The following ANAPC7 variants were observed in gnomAD, a reference collection of about 807,000 sequenced individuals.
The protein encoded by ANAPC7 is anaphase-promoting complex subunit 7.
In ANAPC7, 25 loss-of-function variants were observed where a neutral mutation model predicts 63.3. The observed-to-expected ratio is 0.39, with a 90% confidence interval of 0.29 to 0.55. The LOEUF (loss-of-function observed/expected upper bound fraction) is 0.55, where lower values mean the gene tolerates loss of function less well. ANAPC7 is among the 20% of genes least tolerant of loss of function. ANAPC7 has a pLI of 0.57. For synonymous variants in ANAPC7, 241 were observed against 251.7 expected, an observed-to-expected ratio of 0.96 and a Z score of 0.40; for missense variants, 516 against 691.7, an observed-to-expected ratio of 0.75 and a Z score of 2.85.
intron 3 of ANAPC7, among the ~76,000 whole-genome samples, chr12:110,389,326 A>T (rs574426564): frequency 3.7e-4 from 56 of 152,302 alleles, no homozygotes; most frequent in South Asian, 1.2e-3. Context: ...AAAGTGAGAA[A>T]CTCTTGACAT....
chr12:110,385,548 G>T (rs894970273), intron 6 of ANAPC7, among the ~76,000 whole-genome samples: 10 of 152,296 alleles, frequency 6.6e-5, no homozygotes, highest in Middle Eastern at 6.8e-3. Context: ...TTTTCATCAT[G>T]GGTGCAGGCA....
chr12:110,401,400 A>G (rs576502160), intron 1 of ANAPC7, among the ~76,000 whole-genome samples: 57 of 152,276 alleles, frequency 3.7e-4, no homozygotes, highest in African/African-American at 1.4e-3. Flanking sequence ...GCGCACAGCC[A>G]CTGCGCTTTC....
intron 3 of ANAPC7, among the ~76,000 whole-genome samples, chr12:110,394,321 T>A (rs968093430): frequency 6.6e-6 from 1 of 151,008 alleles, no homozygotes; most frequent in Non-Finnish European, 1.5e-5. Context: ...TGGAACCTTA[T>A]CTCTACCAAA....
intron 8 of ANAPC7, chr12:110,377,823 A>G (rs1410192324): frequency 2.8e-6 from 4 of 1,423,782 alleles, no homozygotes; most frequent in South Asian, 1.5e-5. Context: ...GGATGTAGAA[A>G]AAGACTGCCT....
intron 5 of ANAPC7, chr12:110,386,726 C>T (rs1216923435): frequency 5.4e-6 from 2 of 367,006 alleles, no homozygotes; most frequent in East Asian, 1.1e-4. Context: ...ACATACGCTA[C>T]ATGGTGTTAA....
At chr12:110,387,335 GGCAGAGAGAGAGAGAGAC>G (rs1566269132) in intron 5 of ANAPC7, 3 of 22,222 alleles carry the variant, frequency 1.4e-4, no homozygotes, top group Admixed American at 6.7e-4. Flanking sequence ...GAGAGAGAGA[GGCAGAGAGAGAGAGAGAC>G]AGAGAGAGAG....
chr12:110,399,324 C>T (rs2062190396), intron 1 of ANAPC7, among the ~76,000 whole-genome samples: 1 of 151,228 alleles, frequency 6.6e-6, no homozygotes, highest in Non-Finnish European at 1.5e-5. Flanking sequence ...CCAGCCGAGT[C>T]GAATAATTCT....
intron 8 of ANAPC7, among the ~76,000 whole-genome samples, chr12:110,381,377 G>C (rs151094104): frequency 1.3e-5 from 2 of 151,678 alleles, no homozygotes; most frequent in Non-Finnish European, 2.9e-5. Context: ...TTGCTCTGTC[G>C]CCAGGCTGGA....
intron 5 of ANAPC7, chr12:110,386,756 T>C: frequency 3.8e-6 from 1 of 259,928 alleles, no homozygotes; most frequent in Non-Finnish European, 7.2e-6. Context: ...CATTCACAAG[T>C]GACACCTATT....
Position 110,403,559 on chromosome 12 carries a change from G to T in ANAPC7, c.69C>A (p.Ser23Arg). The T allele has an allele frequency of 6.2e-7, 1 of 1,607,436 alleles. No homozygotes were observed. Among genetic ancestry groups the T allele is most frequent in the Non-Finnish European group, 8.5e-7 (1 of 1,177,500 alleles). The change falls in exon 1 of 11, where the codon AGC becomes AGA. Residue 23 changes from serine (S) to arginine (R), a missense_variant. Coordinates refer to ENST00000455511, the MANE Select transcript of ANAPC7 (RefSeq NM_016238.3). The stretch of plus-strand genomic sequence containing the variant: ...TATTACTCATTGTAAGTAACAAGCT[G>T]CTGAGGAGCCGCACGTTGGAGTGCA... Reference protein sequence around the residue: ...AGLHSNVRLLSSLLLTMSNNN... With the variant: ...AGLHSNVRLLRSLLLTMSNNN...
chr12:110,376,005 A>G, intron 10 of ANAPC7, 61 bp downstream of exon 10: 1 of 1,513,838 alleles, frequency 6.6e-7, no homozygotes, highest in Non-Finnish European at 8.9e-7. Context: ...CTCCTGTGAC[A>G]CAGCTCACTG....
intron 1 of ANAPC7, among the ~76,000 whole-genome samples, chr12:110,400,564 G>A (rs768776206): frequency 6.6e-6 from 1 of 150,754 alleles, no homozygotes; most frequent in Non-Finnish European, 1.5e-5. Context: ...AAACTATCCT[G>A]TAACATCTTT....
At chr12:110,377,832 C>A in intron 8 of ANAPC7, 1 of 1,415,314 alleles carries the variant, frequency 7.1e-7, no homozygotes, top group South Asian at 1.5e-5. Context: ...AAAAGACTGC[C>A]TTCAAAGGCA....
intron 5 of ANAPC7, chr12:110,387,336 G>GA (rs1882648316): frequency 1.1e-4 from 2 of 17,814 alleles, no homozygotes; most frequent in Admixed American, 1.7e-3. Context: ...AGAGAGAGAG[G>GA]CAGAGAGAGA....
Position 110,387,428 on chromosome 12 carries a change from A to AGG in ANAPC7, c.674+310_674+311insCC, listed in dbSNP as rs1566269483. ...GAGAGAGAGAGAGAGAGAGAGAGAG[A>AGG]GAGACCGACCTTGTCTCAAAAAAAA... On this transcript the variant is annotated intron_variant, in intron 5 of 10. Transcript: ENST00000455511. 1.7e-4 allele frequency: 21 copies of AGG among 126,798 alleles called. 2 individuals carry two copies. Among genetic ancestry groups the AGG allele is most frequent in the Admixed American group, 3.5e-4 (4 of 11,426 alleles). The allele number at this position is 126,798 out of a possible 1,614,324, so 7.9% of individuals were successfully genotyped here. A position where few individuals can be genotyped will look rare whatever the true frequency, so the allele number is the denominator to read the frequency against.
chr12:110,383,853 G>A (rs1232408465), intron 6 of ANAPC7, among the ~76,000 whole-genome samples: 5 of 127,716 alleles, frequency 3.9e-5, no homozygotes, highest in African/African-American at 1.5e-4. Flanking sequence ...TCTAGCCTTG[G>A]CTACAGAGCG....
chr12:110,375,076 C>T (rs753267092), intron 10 of ANAPC7, among the ~76,000 whole-genome samples: 2 of 152,308 alleles, frequency 1.3e-5, no homozygotes, highest in South Asian at 2.1e-4. Flanking sequence ...TTCTCACTTG[C>T]TTCTGAGATT....
At chr12:110,386,610 T>C (rs1882477544) in intron 5 of ANAPC7, 141 bp from the exon 6 acceptor site, 7 of 810,674 alleles carry the variant, frequency 8.6e-6, no homozygotes, top group Non-Finnish European at 1.3e-5. Context: ...TTTAAGCTTA[T>C]GACTTTAAAA....
At chr12:110,381,043 C>A (rs1395595960) in intron 8 of ANAPC7, among the ~76,000 whole-genome samples, 1 of 148,042 alleles carries the variant, frequency 6.8e-6, no homozygotes, top group South Asian at 2.2e-4. Flanking sequence ...TGGATGGGGG[C>A]GAGCGGTGGG....
Sources: allele counts gnomAD v4.1 joint callset (sites outside exome capture counted in the v4.1 genomes callset), GRCh38; gene constraint gnomAD v4.1.1; transcripts MANE v1.5; gene names NCBI Gene and HGNC (gene_info 2026-07-23, HGNC 2026-07-21).